CA10: variants seen among roughly 807,000 people sequenced by gnomAD.
The protein encoded by CA10 is carbonic anhydrase-related protein 10.
Under a neutral mutation model 44.2 loss-of-function variants are expected in CA10, and 14 were observed. The observed-to-expected ratio is 0.32, with a 90% CI of 0.21 to 0.50. The LOEUF is 0.50. Among genes scored for constraint, CA10 ranks in the 20% least tolerant of loss-of-function variants. The pLI is 0.99. For missense variants in CA10, 350 were observed against 409.7 expected (o/e 0.85, Z 1.26); for synonymous variants, 159 against 141.6 (o/e 1.12, Z -0.87).
chr17:52,120,045 G>A (rs866817405), intron 1 of CA10, among the ~76,000 whole-genome samples: 4 of 152,230 alleles, frequency 2.6e-5, no homozygotes, highest in Middle Eastern at 3.4e-3. Context: ...TCACCCAGAG[G>A]TATCCTTTTT....
At chr17:51,908,189 C>G (rs559807842) in intron 3 of CA10, among the ~76,000 whole-genome samples, 1 of 152,234 alleles carries the variant, frequency 6.6e-6, no homozygotes, top group Non-Finnish European at 1.5e-5. Flanking sequence ...TCTGCATGCA[C>G]CTGGTACCAG....
Position 51,693,512 on chromosome 17 carries a change from T to C in CA10, c.466-39776A>G, listed in dbSNP as rs575455475. 9.1e-4 allele frequency among the ~76,000 whole-genome samples: 138 copies of C among 152,190 alleles called. 3 individuals are homozygous for C. The South Asian group carries it at 0.029, about 32-fold the overall frequency. On this transcript the variant is annotated intron_variant, in intron 4 of 8. Transcript: ENST00000451037. ...CTATCCACCCCCGACCATCTAGCAG[T>C]CCCCAGTGTTTGTGTTTGTCATCTT...
intron 2 of CA10, among the ~76,000 whole-genome samples, chr17:51,969,409 G>A (rs748592108): frequency 5.9e-5 from 9 of 152,142 alleles, no homozygotes; most frequent in Admixed American, 3.3e-4. Flanking sequence ...TTCACTGTGC[G>A]TCTGAGTCCA....
chr17:51,877,301 A>G (rs992813541), intron 3 of CA10, among the ~76,000 whole-genome samples: 1 of 152,212 alleles, frequency 6.6e-6, no homozygotes, highest in African/African-American at 2.4e-5. Context: ...GTTTAAATCC[A>G]CTGGTATTTT....
At chr17:52,148,767 C>G (rs1025941472) in intron 1 of CA10, among the ~76,000 whole-genome samples, 3 of 152,124 alleles carry the variant, frequency 2.0e-5, no homozygotes, top group African/African-American at 7.2e-5. Flanking sequence ...GGAAAAAAAA[C>G]ACTCACACAT....
intron 2 of CA10, among the ~76,000 whole-genome samples, chr17:51,984,801 C>T (rs1287713825): frequency 6.6e-6 from 1 of 151,790 alleles, no homozygotes; most frequent in Non-Finnish European, 1.5e-5. Flanking sequence ...ACCTTTCCTG[C>T]TTAAATCAGG....
At chr17:51,996,140 G>A (rs556095023) in intron 2 of CA10, among the ~76,000 whole-genome samples, 1 of 152,082 alleles carries the variant, frequency 6.6e-6, no homozygotes, top group Non-Finnish European at 1.5e-5. Context: ...AGTAAACCAA[G>A]AGAGGCAAAT....
chr17:51,860,814 G>A (rs932475572), intron 3 of CA10, among the ~76,000 whole-genome samples: 1 of 151,998 alleles, frequency 6.6e-6, no homozygotes, highest in Non-Finnish European at 1.5e-5. Context: ...CAGAATAGAC[G>A]CCCCTCCAGC....
At chr17:52,142,902 A>G (rs1374068850) in intron 1 of CA10, among the ~76,000 whole-genome samples, 2 of 152,218 alleles carry the variant, frequency 1.3e-5, no homozygotes. Flanking sequence ...GCAGCTCTTA[A>G]TCATTCTCAA....
intron 3 of CA10, among the ~76,000 whole-genome samples, chr17:51,858,266 T>A (rs1162520899): frequency 6.6e-6 from 1 of 152,144 alleles, no homozygotes; most frequent in Non-Finnish European, 1.5e-5. Flanking sequence ...ACATCGGTAT[T>A]AAAAGCAGAA....
rs184361006 is a variant in CA10 at position 51,705,322 on chromosome 17, A to C, written c.465+42311T>G. The stretch of plus-strand genomic sequence containing the variant: ...GGTGAGGCCTGGCTTCTATATATAC[A>C]CATAGATCAATGTTTCTTCCTTTTA... On this transcript the variant is annotated intron_variant, in intron 4 of 8. Transcript: ENST00000451037. Among the ~76,000 whole-genome samples, 42 of 152,232 alleles carry C rather than the reference A, an allele frequency of 2.8e-4. 1 individual carries two copies. The highest frequency in any genetic ancestry group is 2.7e-3 in the Admixed American group (42 of 15,298).
intron 3 of CA10, among the ~76,000 whole-genome samples, chr17:51,871,038 C>T (rs1467773291): frequency 1.4e-5 from 2 of 144,238 alleles, no homozygotes; most frequent in African/African-American, 2.5e-5. Context: ...TCTTTACTTT[C>T]TTCCCACTTT....
In CA10 at chr17:52,158,356, G is replaced by A. The variant is rs1989863730; in HGVS notation, c.-570C>T. ...GTCGGAGGGTGGCTGCTGCGCTCCG[G>A]GGCAGTTCTTCTCCTGCTTCCGGGG... On this transcript the variant is annotated 5_prime_UTR_variant, in exon 1 of 9. Coordinates refer to ENST00000451037, the MANE Select transcript of CA10 (RefSeq NM_020178.5). 1.1e-5 allele frequency: 2 copies of A among 183,096 alleles called. No homozygotes were observed. Among genetic ancestry groups the A allele is most frequent in the African/African-American group, 2.4e-5 (1 of 41,884 alleles). The allele number at this position is 183,096 out of a possible 1,614,324, so 11.3% of individuals were successfully genotyped here. A position where few individuals can be genotyped will look rare whatever the true frequency, so the allele number is the denominator to read the frequency against.
At chr17:51,856,049 C>T (rs978154422) in intron 3 of CA10, among the ~76,000 whole-genome samples, 8 of 152,204 alleles carry the variant, frequency 5.3e-5, no homozygotes, top group African/African-American at 9.6e-5. Flanking sequence ...CTGTGCCCCG[C>T]GCAAATGTGC....
intron 1 of CA10, among the ~76,000 whole-genome samples, chr17:52,116,430 G>T (rs1221537177): frequency 6.6e-6 from 1 of 152,108 alleles, no homozygotes; most frequent in Non-Finnish European, 1.5e-5. Context: ...GAACTTGAAG[G>T]CTACTGACAG....
At chr17:52,088,488 A>C (rs1988177582) in intron 1 of CA10, among the ~76,000 whole-genome samples, 1 of 152,196 alleles carries the variant, frequency 6.6e-6, no homozygotes, top group Admixed American at 6.5e-5. Context: ...CCTGGGTCAC[A>C]AGTTACAGTA....
chr17:52,022,713 A>G (rs2144156929), intron 2 of CA10, among the ~76,000 whole-genome samples: 1 of 152,190 alleles, frequency 6.6e-6, no homozygotes, highest in South Asian at 2.1e-4. Context: ...ACAACCCTAA[A>G]GACTCCATTT....
chr17:51,765,074 G>T (rs1905323520), intron 3 of CA10, among the ~76,000 whole-genome samples: 1 of 152,100 alleles, frequency 6.6e-6, no homozygotes, highest in African/African-American at 2.4e-5. Flanking sequence ...ATGAAAAATG[G>T]TGCTAATGAG....
intron 1 of CA10, among the ~76,000 whole-genome samples, chr17:52,140,079 A>C (rs371743882): frequency 6.6e-6 from 1 of 152,214 alleles, no homozygotes; most frequent in Non-Finnish European, 1.5e-5. Context: ...GGTTGCCTGC[A>C]CAAGGATTGG....
Sources: allele counts gnomAD v4.1 joint callset (sites outside exome capture counted in the v4.1 genomes callset), GRCh38; gene constraint gnomAD v4.1.1; transcripts MANE v1.5; gene names NCBI Gene and HGNC (gene_info 2026-07-23, HGNC 2026-07-21).